PTPN13: variants seen among roughly 807,000 people sequenced by gnomAD.
PTPN13 encodes tyrosine-protein phosphatase non-receptor type 13.
A neutral mutation model predicts 284.0 loss-of-function variants in PTPN13; 191 were observed. The ratio of observed to expected loss-of-function variants is 0.67; its 90% CI spans 0.60 to 0.76. PTPN13 has a LOEUF of 0.76. Ranked by LOEUF, PTPN13 falls within the 30% of genes least tolerant of loss-of-function variation. The pLI is 0.00. For synonymous variants in PTPN13, 986 were observed against 1,022.3 expected (o/e 0.96, Z 0.68); for missense variants, 2,797 against 2,939.9 (o/e 0.95, Z 1.12).
intron 1 of PTPN13, among the ~76,000 whole-genome samples, chr4:86,615,741 C>A (rs1488502668): frequency 6.6e-6 from 1 of 152,080 alleles, no homozygotes; most frequent in East Asian, 1.9e-4. Context: ...GAAAACTACC[C>A]AATTTTAACT....
At chr4:86,601,350 A>G (rs573124810) in intron 1 of PTPN13, among the ~76,000 whole-genome samples, 24 of 152,254 alleles carry the variant, frequency 1.6e-4, no homozygotes, top group African/African-American at 5.8e-4. Flanking sequence ...CTTAAGTAGT[A>G]TAGAAATGAA....
At chr4:86,674,938 G>A (rs896072461) in intron 3 of PTPN13, among the ~76,000 whole-genome samples, 1 of 152,104 alleles carries the variant, frequency 6.6e-6, no homozygotes, top group Admixed American at 6.5e-5. Flanking sequence ...TTGGAAATAG[G>A]TATAGTATGT....
In PTPN13 at chr4:86,701,671, C is replaced by T. The variant is rs114301539; in HGVS notation, c.1065C>T (p.Gly355=). 1.2e-6 allele frequency: 2 copies of T among 1,613,814 alleles called. No homozygotes were observed. The highest frequency in any genetic ancestry group is 2.2e-5 in the East Asian group (1 of 44,870). The part of the protein sequence containing the change: ...SDGSIALDIF[G]PQKMDPIYHT... Reference sequence around the variant, plus strand: ...GAAGTATAGCCTTGGATATCTTTGGCCCTCAGAAAATGGATCCAATATATC... The same window carrying T: ...GAAGTATAGCCTTGGATATCTTTGGTCCTCAGAAAATGGATCCAATATATC... Residue 355 remains glycine (G), a synonymous_variant, in exon 7 of 48, where the codon GGC becomes GGT. Transcript: ENST00000411767.
intron 1 of PTPN13, among the ~76,000 whole-genome samples, chr4:86,602,058 A>G (rs1365455790): frequency 6.6e-6 from 1 of 152,216 alleles, no homozygotes; most frequent in African/African-American, 2.4e-5. Flanking sequence ...GGCTGTGAAG[A>G]TAATATTAAA....
intron 1 of PTPN13, among the ~76,000 whole-genome samples, chr4:86,597,359 C>G (rs1020029583): frequency 1.3e-5 from 2 of 152,002 alleles, no homozygotes; most frequent in Non-Finnish European, 2.9e-5. Context: ...TAACTCAGCC[C>G]CCAAAGTAGC....
chr4:86,614,644 G>T (rs1172964374), intron 1 of PTPN13, among the ~76,000 whole-genome samples: 1 of 152,064 alleles, frequency 6.6e-6, no homozygotes, highest in African/African-American at 2.4e-5. Flanking sequence ...CTGATAATAA[G>T]GTTGTGTTGT....
intron 17 of PTPN13, among the ~76,000 whole-genome samples, chr4:86,745,801 G>T (rs1736690526): frequency 6.6e-6 from 1 of 151,988 alleles, no homozygotes; most frequent in South Asian, 2.1e-4. Flanking sequence ...AGGATTTGAA[G>T]AACAGATTAT....
rs759784072 is a variant in PTPN13, at chr4:86,705,333, C to CAAAAAAAAAAAAAAA, written c.1195+3533_1195+3547dup. ...TGGGTGACAGAGCAAGACTCCGTCT[C>CAAAAAAAAAAAAAAA]AAAAAAAAAAAAAAAGACATGCGCA... On this transcript the variant is annotated intron_variant, in intron 7 of 47. Transcript: ENST00000411767. 7.3e-5 allele frequency among the ~76,000 whole-genome samples: 7 copies of CAAAAAAAAAAAAAAA among 95,346 alleles called. 1 individual carries two copies. The highest frequency in any genetic ancestry group is 2.0e-4 in the African/African-American group (5 of 25,074). The allele number at this position is 95,346 out of a possible 152,430, so 62.6% of individuals were successfully genotyped here.
intron 1 of PTPN13, among the ~76,000 whole-genome samples, chr4:86,619,116 A>G (rs969338531): frequency 5.3e-5 from 8 of 152,174 alleles, no homozygotes; most frequent in Non-Finnish European, 1.2e-4. Context: ...GCAGAGAGCT[A>G]CAGCTCCCAG....
rs1445464842 is a variant in PTPN13 at position 86,598,800 on chromosome 4, T to C, written c.-6+4011T>C. Among the ~76,000 whole-genome samples, 2 of 152,178 alleles carry C rather than the reference T, an allele frequency of 1.3e-5. 1 individual carries two copies. Among genetic ancestry groups the C allele is most frequent in the Admixed American group, 1.3e-4 (2 of 15,284 alleles). On this transcript the variant is annotated intron_variant, in intron 1 of 47. Transcript: ENST00000411767. Reference sequence around the variant, plus strand: ...TTTTTTAAGAGACAAGATCTCACTCTGTCACCCAGGCTAGAATACAGTGGT... The same window carrying C: ...TTTTTTAAGAGACAAGATCTCACTCCGTCACCCAGGCTAGAATACAGTGGT...
rs760134178 is a variant in PTPN13, at chr4:86,814,972, T to C, written c.*421T>C. ...GCTTTAAATGACAGTAATATTGGCA[T>C]AGAAAAAAGTAGCAAATGTTTACTG... On this transcript the variant is annotated 3_prime_UTR_variant, in exon 48 of 48. Transcript: ENST00000411767. The C allele has an allele frequency of 9.1e-5, 14 of 154,024 alleles. No individual in the cohort carries two copies. The highest frequency in any genetic ancestry group is 4.6e-4 in the Admixed American group (7 of 15,384). 9.5% of individuals were successfully genotyped at this position (154,024 alleles called of 1,614,324 possible).
At chr4:86,807,925 G>A (rs1236826174) in intron 45 of PTPN13, 28 bp downstream of exon 45, 1 of 1,571,996 alleles carries the variant, frequency 6.4e-7, no homozygotes. Context: ...TTCCCTGTTG[G>A]AAGGTGTATC....
At chr4:86,725,163 C>T (rs1734102808) in intron 10 of PTPN13, among the ~76,000 whole-genome samples, 1 of 151,658 alleles carries the variant, frequency 6.6e-6, no homozygotes, top group African/African-American at 2.4e-5. Context: ...TGTTTTATGG[C>T]TGCATAGTAT....
At chr4:86,711,947 A>G (rs1384476425) in intron 7 of PTPN13, among the ~76,000 whole-genome samples, 2 of 152,196 alleles carry the variant, frequency 1.3e-5, no homozygotes, top group Non-Finnish European at 2.9e-5. Context: ...ACTTTGTAAT[A>G]TTCTGTAAGT....
intron 23 of PTPN13, among the ~76,000 whole-genome samples, chr4:86,761,132 G>GT (rs1277200116): frequency 7.1e-5 from 7 of 99,218 alleles, no homozygotes; most frequent in Non-Finnish European, 1.0e-4. Flanking sequence ...ATGTGTGTGT[G>GT]TGTGTAAATA....
At chr4:86,740,493 ACT>A (rs1312884733) in intron 15 of PTPN13, among the ~76,000 whole-genome samples, 9 of 151,648 alleles carry the variant, frequency 5.9e-5, no homozygotes, top group Non-Finnish European at 1.2e-4. Flanking sequence ...AAGTCCCTAG[ACT>A]CTACACAGCA....
intron 40 of PTPN13, among the ~76,000 whole-genome samples, chr4:86,790,610 G>T (rs1022311993): frequency 4.6e-5 from 7 of 152,168 alleles, no homozygotes; most frequent in Non-Finnish European, 1.0e-4. Context: ...AACATCTTCA[G>T]GAGGAGAAGA....
chr4:86,688,888 C>A, intron 4 of PTPN13, 117 bp from the exon 5 acceptor site: 1 of 696,136 alleles, frequency 1.4e-6, no homozygotes, highest in East Asian at 2.8e-5. Flanking sequence ...AATTTATTTC[C>A]TCCAAGTATG....
chr4:86,750,184 CA>C (rs978440696), intron 17 of PTPN13, among the ~76,000 whole-genome samples: 1 of 152,146 alleles, frequency 6.6e-6, no homozygotes, highest in Non-Finnish European at 1.5e-5. Context: ...TTGGTGTCAG[CA>C]AGCCTGAGCC....
Sources: allele counts gnomAD v4.1 joint callset (sites outside exome capture counted in the v4.1 genomes callset), GRCh38; gene constraint gnomAD v4.1.1; transcripts MANE v1.5; gene names NCBI Gene and HGNC (gene_info 2026-07-23, HGNC 2026-07-21).